The following CDH23 variants were observed in gnomAD, a reference collection of about 807,000 sequenced individuals.
The protein encoded by CDH23 is cadherin-23.
In CDH23, 189 loss-of-function variants were observed where a neutral mutation model predicts 317.1. That is an observed-to-expected ratio of 0.60 (90% CI 0.53 to 0.67). CDH23 has a LOEUF of 0.67. CDH23 is among the 30% of genes least tolerant of loss of function. CDH23 has a pLI of 0.00. For missense variants in CDH23, 4,401 were observed against 4,592.4 expected, an observed-to-expected ratio of 0.96 and a Z score of 1.20; for synonymous variants, 1,839 against 1,876.8, an observed-to-expected ratio of 0.98 and a Z score of 0.52.
chr10:71,599,604 C>T (rs541535483), intron 9 of CDH23, among the ~76,000 whole-genome samples: 35 of 152,242 alleles, frequency 2.3e-4, no homozygotes, highest in African/African-American at 8.4e-4. Context: ...GTACCGAGAG[C>T]TTCATTGTGC....
At chr10:71,813,024 TG>T in intron 68 of CDH23, 134 bp downstream of exon 68, 1 of 1,423,156 alleles carries the variant, frequency 7.0e-7, no homozygotes, top group East Asian at 2.5e-5. Context: ...CCAGGGCTGA[TG>T]GGGGGCTACT....
At chr10:71,426,806 G>A (rs932026081) in intron 1 of CDH23, among the ~76,000 whole-genome samples, 2 of 152,102 alleles carry the variant, frequency 1.3e-5, no homozygotes, top group African/African-American at 4.8e-5. Flanking sequence ...GCACAGATAT[G>A]TGCAACCATA....
At chr10:71,485,576 T>C (rs1311259306) in intron 3 of CDH23, among the ~76,000 whole-genome samples, 2 of 152,246 alleles carry the variant, frequency 1.3e-5, no homozygotes, top group African/African-American at 2.4e-5. Context: ...TTCCATCTCA[T>C]TGGCCAGAGT....
At chr10:71,563,904 A>G (rs1857260245) in intron 6 of CDH23, among the ~76,000 whole-genome samples, 1 of 151,696 alleles carries the variant, frequency 6.6e-6, no homozygotes, top group Admixed American at 6.6e-5. Context: ...ACGCACCACC[A>G]CGCCCAGCTA....
At chr10:71,540,064 G>T (rs1041196727) in intron 6 of CDH23, among the ~76,000 whole-genome samples, 5 of 152,192 alleles carry the variant, frequency 3.3e-5, no homozygotes, top group Admixed American at 1.3e-4. Flanking sequence ...GTGTGCTGGT[G>T]GGGGCAGTCC....
intron 34 of CDH23, among the ~76,000 whole-genome samples, chr10:71,738,137 A>G (rs1223857497): frequency 1.4e-4 from 22 of 152,252 alleles, no homozygotes. Context: ...CATGAAAAAC[A>G]GGAAGCTTTG....
At chr10:71,782,108 GATGC>G (rs1390292308) in intron 41 of CDH23, among the ~76,000 whole-genome samples, 1 of 152,218 alleles carries the variant, frequency 6.6e-6, no homozygotes, top group African/African-American at 2.4e-5. Flanking sequence ...TAGGGAGACA[GATGC>G]CAGATTTCTG....
At chr10:71,756,240 G>T (rs1471113129) in intron 38 of CDH23, among the ~76,000 whole-genome samples, 2 of 152,164 alleles carry the variant, frequency 1.3e-5, no homozygotes, top group Non-Finnish European at 2.9e-5. Flanking sequence ...CTGTGTGCCG[G>T]TTTTTGTGTT....
chr10:71,622,876 C>G (rs905949846), intron 11 of CDH23: 1 of 978,342 alleles, frequency 1.0e-6, no homozygotes, highest in African/African-American at 1.8e-5. Context: ...GCCTCAGCTG[C>G]CAGATTCTGG....
In CDH23 at chr10:71,806,016, G is replaced by T; in HGVS notation, c.8064+19G>T. 6.3e-7 allele frequency: 1 copy of T among 1,588,456 alleles called. No homozygotes were observed. On this transcript the variant is annotated intron_variant, in intron 56 of 69. Coordinates refer to ENST00000224721, the MANE Select transcript of CDH23 (RefSeq NM_022124.6). ...GTACAGCGTAAGGGCGGGGCCCGGTGCGAGGGGCGGGGTCTGGGGCGGGGC... is the reference window on the plus strand; with the variant it reads ...GTACAGCGTAAGGGCGGGGCCCGGTTCGAGGGGCGGGGTCTGGGGCGGGGC...
chr10:71,467,566 G>A (rs889351754), intron 3 of CDH23, among the ~76,000 whole-genome samples: 1 of 152,174 alleles, frequency 6.6e-6, no homozygotes, highest in African/African-American at 2.4e-5. Flanking sequence ...GTGGTTAGGA[G>A]CAGAGATGAA....
At chr10:71,584,282 G>GGTGT (rs10660008) in intron 9 of CDH23, among the ~76,000 whole-genome samples, 6,936 of 152,136 alleles carry the variant, frequency 0.046, 541 homozygotes, top group African/African-American at 0.16. Context: ...GAGTGGGGTG[G>GGTGT]GTGATGATGA....
rs867902269 is a variant in CDH23 at position 71,760,010 on chromosome 10, T to C, written c.4846-17670T>C. ...ATATACACACACACATACATATATATACACACACACATATATACACACACA... is the reference window on the plus strand; with the variant it reads ...ATATACACACACACATACATATATACACACACACACATATATACACACACA... On this transcript the variant is annotated intron_variant, in intron 38 of 69. Coordinates refer to ENST00000224721, the MANE Select transcript of CDH23 (RefSeq NM_022124.6). Among the ~76,000 whole-genome samples the C allele has an allele frequency of 1.9e-4, 18 of 96,604 alleles. 1 individual carries two copies. The highest frequency in any genetic ancestry group is 7.4e-4 in the East Asian group (2 of 2,710). The allele number at this position is 96,604 out of a possible 152,430, so 63.4% of individuals were successfully genotyped here.
chr10:71,784,194 G>C, intron 41 of CDH23, 93 bp from the exon 42 acceptor site: 1 of 1,412,710 alleles, frequency 7.1e-7, no homozygotes. Flanking sequence ...CCTGTGACGA[G>C]TGAGGCTTGC....
intron 1 of CDH23, among the ~76,000 whole-genome samples, chr10:71,416,290 G>T (rs1035065353): frequency 2.0e-5 from 3 of 152,140 alleles, no homozygotes; most frequent in Admixed American, 6.5e-5. Flanking sequence ...CTCCTGAAGT[G>T]CTGGGATTAC....
At chr10:71,543,534 G>A (rs540242740) in intron 6 of CDH23, among the ~76,000 whole-genome samples, 28 of 152,330 alleles carry the variant, frequency 1.8e-4, no homozygotes, top group East Asian at 1.7e-3. Context: ...ACCCAGTTCC[G>A]CATAGATGAT....
chr10:71,699,310 G>A (rs1231726276), intron 22 of CDH23, among the ~76,000 whole-genome samples: 8 of 152,348 alleles, frequency 5.3e-5, no homozygotes, highest in Middle Eastern at 3.4e-3. Context: ...AGACTAGGGC[G>A]TATGGCCCAA....
chr10:71,705,197 G>T, intron 25 of CDH23, 67 bp downstream of exon 25: 4 of 1,442,778 alleles, frequency 2.8e-6, no homozygotes, highest in Non-Finnish European at 3.7e-6. Context: ...CAGGGGCAGG[G>T]GTAGAGGGGA....
At chr10:71,533,371 T>C (rs1855509041) in intron 6 of CDH23, among the ~76,000 whole-genome samples, 1 of 152,184 alleles carries the variant, frequency 6.6e-6, no homozygotes, top group Non-Finnish European at 1.5e-5. Flanking sequence ...TTTGATTTTA[T>C]GGGTAACAAA....
Sources: allele counts gnomAD v4.1 joint callset (sites outside exome capture counted in the v4.1 genomes callset), GRCh38; gene constraint gnomAD v4.1.1; transcripts MANE v1.5; gene names NCBI Gene and HGNC (gene_info 2026-07-23, HGNC 2026-07-21).